TMTC1: variants seen among roughly 807,000 people sequenced by gnomAD.
The protein encoded by TMTC1 is protein O-mannosyl-transferase TMTC1.
A neutral mutation model predicts 104.8 loss-of-function variants in TMTC1; 73 were observed. The observed-to-expected ratio is 0.70, with a 90% CI of 0.58 to 0.85. The LOEUF is 0.85. TMTC1 is among the 40% of genes least tolerant of loss of function. The pLI is 0.00. For synonymous variants in TMTC1, 434 were observed against 428.7 expected (o/e 1.01, Z -0.15); for missense variants, 1,035 against 1,096.1 (o/e 0.94, Z 0.79).
At chr12:29,773,183 C>T (rs1435687459) in intron 1 of TMTC1, among the ~76,000 whole-genome samples, 1 of 152,152 alleles carries the variant, frequency 6.6e-6, no homozygotes, top group Non-Finnish European at 1.5e-5. Context: ...GTAAAACTTC[C>T]CAGAAATGTA....
Position 29,505,907 on chromosome 12 carries a change from G to T in TMTC1, c.*939C>A, listed in dbSNP as rs959377215. On this transcript the variant is annotated 3_prime_UTR_variant, in exon 18 of 18. Coordinates refer to ENST00000539277, the MANE Select transcript of TMTC1 (RefSeq NM_001193451.2). ...TGATACATCATAAAGGTTCCTCAATGGTTCAATATATTTTTCAAAAAAATA... is the reference window on the plus strand; with the variant it reads ...TGATACATCATAAAGGTTCCTCAATTGTTCAATATATTTTTCAAAAAAATA... The T allele has an allele frequency of 6.6e-6, 1 of 151,630 alleles. No homozygotes were observed. The highest frequency in any genetic ancestry group is 2.4e-5 in the African/African-American group (1 of 41,290). 9.4% of individuals were successfully genotyped at this position (151,630 alleles called of 1,614,324 possible).
chr12:29,566,012 C>A (rs1945502567), intron 9 of TMTC1, among the ~76,000 whole-genome samples: 1 of 152,096 alleles, frequency 6.6e-6, no homozygotes, highest in Admixed American at 6.5e-5. Flanking sequence ...GAGGGACACA[C>A]AATTAACAAA....
chr12:29,594,053 TTCCCCTTGATGGTGCCTTTAC>T (rs1946348351), intron 7 of TMTC1, among the ~76,000 whole-genome samples: 1 of 152,208 alleles, frequency 6.6e-6, no homozygotes, highest in Non-Finnish European at 1.5e-5. Flanking sequence ...GCCTGGCTGT[TTCCCCTTGATGGTGCCTTTAC>T]TCCAGGACTG....
chr12:29,672,962 C>A (rs573314425), intron 5 of TMTC1, among the ~76,000 whole-genome samples: 42 of 152,336 alleles, frequency 2.8e-4, no homozygotes, highest in African/African-American at 9.9e-4. Flanking sequence ...CTGGCCCCCA[C>A]CCCTAATGCC....
chr12:29,762,800 C>T (rs1257914336), intron 2 of TMTC1, among the ~76,000 whole-genome samples: 2 of 152,292 alleles, frequency 1.3e-5, no homozygotes, highest in South Asian at 2.1e-4. Context: ...AGTGTGGTGT[C>T]GCCACAATGT....
At chr12:29,537,949 C>T (rs1231130354) in intron 10 of TMTC1, among the ~76,000 whole-genome samples, 1 of 152,134 alleles carries the variant, frequency 6.6e-6, no homozygotes, top group East Asian at 1.9e-4. Context: ...TTCAATGAAG[C>T]AAATATTTAT....
At chr12:29,736,940 A>G (rs1249034144) in intron 5 of TMTC1, among the ~76,000 whole-genome samples, 1 of 152,236 alleles carries the variant, frequency 6.6e-6, no homozygotes, top group Non-Finnish European at 1.5e-5. Context: ...GAAGAGCAGC[A>G]CAACCATCCA....
intron 7 of TMTC1, among the ~76,000 whole-genome samples, chr12:29,599,047 G>A (rs141075277): frequency 3.9e-4 from 59 of 152,240 alleles, no homozygotes; most frequent in Non-Finnish European, 4.9e-4. Flanking sequence ...TTTGCTCTTT[G>A]GCACTGAAGT....
intron 6 of TMTC1, chr12:29,613,924 C>G: frequency 1.0e-6 from 1 of 980,670 alleles, no homozygotes; most frequent in Non-Finnish European, 1.2e-6. Context: ...ATGCATGATT[C>G]ATCTATCCAC....
chr12:29,510,250 GT>G (rs1417743111), intron 17 of TMTC1, among the ~76,000 whole-genome samples: 1 of 152,118 alleles, frequency 6.6e-6, no homozygotes, highest in East Asian at 1.9e-4. Flanking sequence ...TAACGCAGTG[GT>G]ATTTGTGTAT....
At chr12:29,587,732 A>C (rs941482736) in intron 7 of TMTC1, among the ~76,000 whole-genome samples, 9 of 152,226 alleles carry the variant, frequency 5.9e-5, no homozygotes, top group African/African-American at 2.2e-4. Flanking sequence ...ATACAGCCCC[A>C]AGTAAATACA....
chr12:29,629,945 C>T (rs900132931), intron 6 of TMTC1, among the ~76,000 whole-genome samples: 12 of 151,912 alleles, frequency 7.9e-5, no homozygotes, highest in African/African-American at 2.9e-4. Flanking sequence ...AGCCTTTTAC[C>T]TATTTGCAAT....
intron 4 of TMTC1, among the ~76,000 whole-genome samples, chr12:29,753,952 C>T (rs1041775624): frequency 1.3e-5 from 2 of 152,142 alleles, no homozygotes; most frequent in Non-Finnish European, 2.9e-5. Context: ...CTGCAATGTC[C>T]GACTCCCTGG....
intron 5 of TMTC1, among the ~76,000 whole-genome samples, chr12:29,712,237 G>C (rs921693593): frequency 6.6e-6 from 1 of 152,082 alleles, no homozygotes; most frequent in African/African-American, 2.4e-5. Context: ...GTATATGTGT[G>C]CAAACCACTT....
rs1943676435 is a variant in TMTC1 at position 29,505,416 on chromosome 12, C to T, written c.*1430G>A. 1 of 152,148 alleles carries T rather than the reference C, an allele frequency of 6.6e-6. No homozygotes were observed. Among genetic ancestry groups the T allele is most frequent in the South Asian group, 2.1e-4 (1 of 4,830 alleles). 9.4% of individuals were successfully genotyped at this position (152,148 alleles called of 1,614,324 possible). ...CCAATTTCTTCACTTCCAAAATATA[C>T]TACTGCCAAAAAACTGAAGGCTGAT... On this transcript the variant is annotated 3_prime_UTR_variant, in exon 18 of 18. Coordinates refer to ENST00000539277, the MANE Select transcript of TMTC1 (RefSeq NM_001193451.2).
chr12:29,641,033 C>T (rs1938822140), intron 5 of TMTC1: 1 of 152,176 alleles, frequency 6.6e-6, no homozygotes, highest in Non-Finnish European at 1.5e-5. Context: ...CCTACATACA[C>T]AATTCCAGTG....
chr12:29,514,715 T>C (rs1423874428), intron 15 of TMTC1, 111 bp from the exon 16 acceptor site: 1 of 1,209,166 alleles, frequency 8.3e-7, no homozygotes, highest in African/African-American at 1.5e-5. Flanking sequence ...GTATGGTATG[T>C]GACAATCAAA....
Position 29,645,513 on chromosome 12 carries a change from T to C in TMTC1, c.939-12177A>G, listed in dbSNP as rs138244369. On this transcript the variant is annotated intron_variant, in intron 5 of 17. Coordinates refer to ENST00000539277, the MANE Select transcript of TMTC1 (RefSeq NM_001193451.2). ...ACATGTGCCATTAATATAGTAATCT[T>C]ATTAATAGAGAGCTTCATCAGAGCA... 5.6e-3 allele frequency among the ~76,000 whole-genome samples: 854 copies of C among 152,340 alleles called. 9 individuals are homozygous for C. Among genetic ancestry groups the C allele is most frequent in the African/African-American group, 0.02 (827 of 41,572 alleles).
At chr12:29,745,634 A>T (rs1302290851) in intron 5 of TMTC1, among the ~76,000 whole-genome samples, 1 of 151,584 alleles carries the variant, frequency 6.6e-6, no homozygotes, top group East Asian at 1.9e-4. Context: ...AAAAAAAAAA[A>T]AAAAAGAAAG....
Sources: allele counts gnomAD v4.1 joint callset (sites outside exome capture counted in the v4.1 genomes callset), GRCh38; gene constraint gnomAD v4.1.1; transcripts MANE v1.5; gene names NCBI Gene and HGNC (gene_info 2026-07-23, HGNC 2026-07-21).